Variants in DNAH9 observed in about 807,000 individuals in gnomAD.
DNAH9 encodes dynein axonemal heavy chain 9.
A neutral mutation model predicts 471.6 loss-of-function variants in DNAH9; 345 were observed. The observed-to-expected ratio is 0.73, with a 90% confidence interval of 0.67 to 0.80. The LOEUF (loss-of-function observed/expected upper bound fraction) is 0.80. Ranked by LOEUF, DNAH9 falls within the 30% of genes least tolerant of loss-of-function variation. The pLI is 0.00. For missense variants in DNAH9, 5,407 were observed against 5,609.2 expected (o/e 0.96, Z 1.15); for synonymous variants, 2,093 against 2,123.6 (o/e 0.99, Z 0.40).
chr17:11,640,439 A>G (rs1291477363), intron 10 of DNAH9, 55 bp downstream of exon 10: 4 of 1,170,172 alleles, frequency 3.4e-6, no homozygotes, highest in East Asian at 2.3e-5. Context: ...TTCCTGCTCT[A>G]GAATCTGAGT....
intron 44 of DNAH9, among the ~76,000 whole-genome samples, chr17:11,809,600 AC>A: frequency 1.3e-5 from 2 of 151,970 alleles, no homozygotes; most frequent in Middle Eastern, 6.8e-3. Context: ...AAACTACAAG[AC>A]CCTGCTAGCA....
chr17:11,620,874 A>G (rs1009848617), intron 6 of DNAH9, among the ~76,000 whole-genome samples: 1 of 152,192 alleles, frequency 6.6e-6, no homozygotes, highest in Non-Finnish European at 1.5e-5. Context: ...CTTTTGCTCA[A>G]AGTTATGTCT....
intron 50 of DNAH9, among the ~76,000 whole-genome samples, chr17:11,865,584 A>T (rs959285317): frequency 2.6e-5 from 4 of 151,976 alleles, no homozygotes; most frequent in Admixed American, 2.0e-4. Flanking sequence ...TAGATTGGGG[A>T]AGTTCTCCTG....
At position 11,704,455 on chromosome 17, in the gene DNAH9, C is replaced by T; in HGVS notation, c.5391+13C>T. On this transcript the variant is annotated intron_variant, in intron 25 of 68. Coordinates refer to ENST00000262442, the MANE Select transcript of DNAH9 (RefSeq NM_001372.4). ...GATTGCTCAGAAGGTGGGTCCCAAA[C>T]ATCCAGGGATGCCCACTTTTGTGTA... is the stretch of plus-strand genomic sequence containing the variant. 1 of 1,611,148 alleles carries T rather than the reference C, an allele frequency of 6.2e-7. No individual in the cohort carries two copies. Among genetic ancestry groups the T allele is most frequent in the Non-Finnish European group, 8.5e-7 (1 of 1,179,378 alleles).
chr17:11,936,009 G>A (rs1180194170), intron 65 of DNAH9, among the ~76,000 whole-genome samples: 1 of 152,214 alleles, frequency 6.6e-6, no homozygotes, highest in Non-Finnish European at 1.5e-5. Flanking sequence ...GGAGGCTGGA[G>A]CAAGTAACAG....
At chr17:11,645,655 G>C (rs148563065) in intron 11 of DNAH9, among the ~76,000 whole-genome samples, 1 of 152,140 alleles carries the variant, frequency 6.6e-6, no homozygotes, top group Non-Finnish European at 1.5e-5. Flanking sequence ...CTTGTTTCAA[G>C]CACACAGTTT....
rs562769508 is a variant in DNAH9 at position 11,933,243 on chromosome 17, A to G, written c.12298-637A>G. ...ACTTTTCTCCATTTGACATTCACCTATTTAAAGAATTTCTAGGTAGAGCCT... is the reference window on the plus strand; with the variant it reads ...ACTTTTCTCCATTTGACATTCACCTGTTTAAAGAATTTCTAGGTAGAGCCT... On this transcript the variant is annotated intron_variant, in intron 64 of 68. Transcript: ENST00000262442. 2.0e-4 allele frequency among the ~76,000 whole-genome samples: 30 copies of G among 152,266 alleles called. No homozygotes were observed. The South Asian group carries it at 5.4e-3, about 27-fold the overall frequency.
intron 61 of DNAH9, among the ~76,000 whole-genome samples, chr17:11,909,923 A>G (rs1449197624): frequency 6.6e-6 from 1 of 152,124 alleles, no homozygotes; most frequent in Non-Finnish European, 1.5e-5. Context: ...CCACCTTCCC[A>G]GGCCTAGTCA....
intron 63 of DNAH9, among the ~76,000 whole-genome samples, chr17:11,931,326 A>T (rs772320248): frequency 2.4e-4 from 37 of 152,304 alleles, no homozygotes; most frequent in Admixed American, 5.9e-4. Flanking sequence ...CATGTGTCAG[A>T]TGGGTCATGC....
chr17:11,923,975 A>G (rs1974228164), intron 62 of DNAH9, 34 bp downstream of exon 62: 1 of 1,607,300 alleles, frequency 6.2e-7, no homozygotes, highest in South Asian at 1.1e-5. Flanking sequence ...GGTTATCTTG[A>G]CCCATACTTG....
chr17:11,890,552 G>C (rs568828758), intron 57 of DNAH9, among the ~76,000 whole-genome samples: 1 of 152,276 alleles, frequency 6.6e-6, no homozygotes, highest in East Asian at 1.9e-4. Context: ...AAAGACTTAA[G>C]ATTTTTTTTC....
At chr17:11,851,524 C>T (rs557089944) in intron 49 of DNAH9, among the ~76,000 whole-genome samples, 1 of 152,138 alleles carries the variant, frequency 6.6e-6, no homozygotes, top group Middle Eastern at 3.2e-3. Context: ...AGTCAATACA[C>T]TGAAAGAAGG....
At position 11,608,253 on chromosome 17, in the gene DNAH9, A is replaced by G; in HGVS notation, c.542A>G (p.Lys181Arg). The G allele has an allele frequency of 1.2e-6, 2 of 1,614,010 alleles. No homozygotes were observed. The highest frequency in any genetic ancestry group is 1.3e-5 in the African/African-American group (1 of 75,070). Residue 181 changes from lysine to arginine, a missense_variant, in exon 2 of 69, where the codon AAG (lysine) becomes AGG (arginine). Lys to Arg is a conservative substitution (Grantham distance 26). Around this residue, in one of 3 missense-constraint regions of DNAH9, gnomAD observed 767 missense variants for 692.5 expected, o/e 1.11. Coordinates refer to ENST00000262442, the MANE Select transcript of DNAH9 (RefSeq NM_001372.4). ...CDLSVILEQV[K>R]GKTLLPLPAG... ...CTCTCAGTTATACTTGAGCAAGTGAAGGGAAAAACTTTGCTGCCTCTTCCA... is the reference window on the plus strand; with the variant it reads ...CTCTCAGTTATACTTGAGCAAGTGAGGGGAAAAACTTTGCTGCCTCTTCCA...
At chr17:11,930,780 A>AAAAAAAAAAAAAAAAAAAAAAAAT (rs1567558351) in intron 63 of DNAH9, among the ~76,000 whole-genome samples, 1 of 151,044 alleles carries the variant, frequency 6.6e-6, no homozygotes, top group African/African-American at 2.4e-5. Context: ...AAAAAAAAAA[A>AAAAAAAAAAAAAAAAAAAAAAAAT]AATTGCAGAT....
intron 49 of DNAH9, among the ~76,000 whole-genome samples, chr17:11,839,174 A>G (rs1276165911): frequency 1.3e-5 from 2 of 152,172 alleles, no homozygotes; most frequent in East Asian, 1.9e-4. Context: ...TTTACAGTGA[A>G]CTTATTTCTT....
chr17:11,946,998 T>G (rs1975151758), intron 67 of DNAH9, among the ~76,000 whole-genome samples: 1 of 152,214 alleles, frequency 6.6e-6, no homozygotes, highest in Non-Finnish European at 1.5e-5. Flanking sequence ...GAGGCCATAA[T>G]GTCTACCTAA....
At chr17:11,632,742 A>G in intron 8 of DNAH9, 39 bp downstream of exon 8, 2 of 960,612 alleles carry the variant, frequency 2.1e-6, no homozygotes, top group Non-Finnish European at 3.4e-6. Context: ...GGTCCTGGAT[A>G]CTCCCCCGGC....
At chr17:11,735,213 C>T (rs1185681454) in intron 28 of DNAH9, among the ~76,000 whole-genome samples, 1 of 152,086 alleles carries the variant, frequency 6.6e-6, no homozygotes. Flanking sequence ...GCTGATCATT[C>T]TGTTTTGTGA....
chr17:11,738,358 T>A (rs553288472), intron 28 of DNAH9, among the ~76,000 whole-genome samples: 1 of 152,180 alleles, frequency 6.6e-6, no homozygotes, highest in African/African-American at 2.4e-5. Flanking sequence ...GTGTCATAAA[T>A]GTGGCTGTGG....
Sources: allele counts gnomAD v4.1 joint callset (sites outside exome capture counted in the v4.1 genomes callset), GRCh38; gene constraint gnomAD v4.1.1; regional missense constraint gnomAD v4.1.1; transcripts MANE v1.5; gene names NCBI Gene and HGNC (gene_info 2026-07-23, HGNC 2026-07-21).